LANCL1: variants seen among roughly 807,000 people sequenced by gnomAD.
The protein encoded by LANCL1 is LanC like glutathione S-transferase 1.
In LANCL1, 50 loss-of-function variants were observed where a neutral mutation model predicts 50.6. The ratio of observed to expected loss-of-function variants is 0.99; its 90% CI spans 0.79 to 1.25. The LOEUF (loss-of-function observed/expected upper bound fraction) is 1.25. LANCL1 is among the 50% of genes most tolerant of loss of function. The pLI is 0.00. For synonymous variants in LANCL1, 188 were observed against 178.6 expected (o/e 1.05, Z -0.42); for missense variants, 532 against 480.7 (o/e 1.11, Z -1.00).
chr2:210,439,735 G>A (rs1471819115), intron 6 of LANCL1, among the ~76,000 whole-genome samples: 1 of 152,144 alleles, frequency 6.6e-6, no homozygotes. Context: ...GTAGAGGGCA[G>A]GTCCAACACT....
At chr2:210,459,681 A>AG (rs1311821706) in intron 3 of LANCL1, among the ~76,000 whole-genome samples, 2 of 152,232 alleles carry the variant, frequency 1.3e-5, no homozygotes, top group East Asian at 3.9e-4. Flanking sequence ...GAAGTCTGGC[A>AG]CTGCCTGTCA....
chr2:210,460,234 G>A (rs1396954), intron 3 of LANCL1, among the ~76,000 whole-genome samples: 61,254 of 151,956 alleles, frequency 0.4, 13,804 homozygotes, highest in East Asian at 0.61. Flanking sequence ...AGGCATTTTC[G>A]TGCAGTTCAA....
At chr2:210,451,138 A>G (rs1693499192) in intron 4 of LANCL1, among the ~76,000 whole-genome samples, 1 of 152,242 alleles carries the variant, frequency 6.6e-6, no homozygotes, top group South Asian at 2.1e-4. Flanking sequence ...AACATGGAAT[A>G]CTATGCAGCC....
chr2:210,434,747 GC>G (rs1455983196), intron 9 of LANCL1, among the ~76,000 whole-genome samples, 184 bp from the exon 10 acceptor site: 1 of 151,960 alleles, frequency 6.6e-6, no homozygotes, highest in Non-Finnish European at 1.5e-5. Context: ...GATCAAGGCC[GC>G]ACTGGAGGGT....
rs112248340 is a variant in LANCL1, at chr2:210,471,942, C to G, written c.199+17G>C. 1.9e-6 allele frequency: 3 copies of G among 1,539,562 alleles called. No homozygotes were observed. In the African/African-American group the frequency reaches 4.1e-5, roughly 21 times the overall value. Reference sequence around the variant, plus strand: ...TAAGCACAATGCTTATGCCAGCTCACAGTCAGCACTTCATACCTGCCCAGC... The same window carrying G: ...TAAGCACAATGCTTATGCCAGCTCAGAGTCAGCACTTCATACCTGCCCAGC... On this transcript the variant is annotated intron_variant, in intron 3 of 9. Transcript: ENST00000450366.
intron 3 of LANCL1, among the ~76,000 whole-genome samples, chr2:210,463,520 C>T (rs1384151255): frequency 2.0e-5 from 3 of 152,204 alleles, no homozygotes; most frequent in African/African-American, 2.4e-5. Flanking sequence ...TTTATCACCA[C>T]GAAGAGTGTT....
chr2:210,454,198 G>C lies in LANCL1; in HGVS notation c.407+909C>G, dbSNP rs79914066. On this transcript the variant is annotated intron_variant, in intron 4 of 9. Coordinates refer to ENST00000450366, the MANE Select transcript of LANCL1 (RefSeq NM_006055.3). Reference sequence around the variant, plus strand: ...ATCACTGCATGGGAAAAAATTGGGAGAGAAGGGAGATATGCATACATACAC... The same window carrying C: ...ATCACTGCATGGGAAAAAATTGGGACAGAAGGGAGATATGCATACATACAC... Among the ~76,000 whole-genome samples, 359 of 150,288 alleles carry C rather than the reference G, an allele frequency of 2.4e-3. 1 individual carries two copies. The highest frequency in any genetic ancestry group is 8.3e-3 in the African/African-American group (339 of 40,886).
At position 210,434,363 on chromosome 2, in the gene LANCL1, A is replaced by G; in HGVS notation, c.*124T>C. 1 of 667,270 alleles carries G rather than the reference A, an allele frequency of 1.5e-6. No homozygotes were observed. The highest frequency in any genetic ancestry group is 2.6e-6 in the Non-Finnish European group (1 of 387,934). The allele number at this position is 667,270 out of a possible 1,614,324, so 41.3% of individuals were successfully genotyped here. A position where few individuals can be genotyped will look rare whatever the true frequency, so the allele number is the denominator to read the frequency against. On this transcript the variant is annotated 3_prime_UTR_variant, in exon 10 of 10. Coordinates refer to ENST00000450366, the MANE Select transcript of LANCL1 (RefSeq NM_006055.3). ...CTGAATGAAAGATAAATTCTGAAAA[A>G]AGCTAACAAAATCAAGTCCACAGTT...
chr2:210,447,781 G>A (rs992383309), intron 4 of LANCL1, among the ~76,000 whole-genome samples: 1 of 152,064 alleles, frequency 6.6e-6, no homozygotes, highest in African/African-American at 2.4e-5. Context: ...AATGGTAAAG[G>A]GATCAATGCA....
intron 3 of LANCL1, chr2:210,471,740 A>G: frequency 1.4e-6 from 1 of 739,426 alleles, no homozygotes; most frequent in Non-Finnish European, 2.5e-6. Context: ...CATGAATTAC[A>G]TGAATATGCT....
Position 210,440,667 on chromosome 2 carries a change from A to T in LANCL1, c.621T>A (p.Tyr207Ter), listed in dbSNP as rs1052567586. 1 of 1,614,024 alleles carries T rather than the reference A, an allele frequency of 6.2e-7. No individual in the cohort carries two copies. The highest frequency in any genetic ancestry group is 1.1e-5 in the South Asian group (1 of 91,074). ...CTACATAATATTCCTGGTACCATTC[A>T]TACATCAGTGGAGACTTTGCCGTGA... ...RNFTAKSPLM[Y>*]EWYQEYYVGA... The change falls in exon 6 of 10, where the codon TAT becomes TAA. Residue 207 changes from tyrosine to a stop codon, truncating the protein, a stop_gained. Transcript: ENST00000450366. LOFTEE classifies it high-confidence loss of function.
In LANCL1 at chr2:210,436,291, A is replaced by G. The variant is rs750120862; in HGVS notation, c.975T>C (p.Ser325=). 2 of 1,614,004 alleles carry G rather than the reference A, an allele frequency of 1.2e-6. No homozygotes were observed. Among genetic ancestry groups the G allele is most frequent in the African/African-American group, 2.7e-5 (2 of 74,932 alleles). Residue 325 remains serine, a synonymous_variant, in exon 8 of 10, where the codon TCT becomes TCC. Coordinates refer to ENST00000450366, the MANE Select transcript of LANCL1 (RefSeq NM_006055.3). ...TCAGGAAGGCATAGGCATTCCCTGC[A>G]GAACCGTGGCACAGCCCATATCCCT... is the stretch of plus-strand genomic sequence containing the variant. ...LKKGYGLCHG[S]AGNAYAFLTL...
chr2:210,468,122 T>C (rs1336998057), intron 3 of LANCL1: 4 of 152,050 alleles, frequency 2.6e-5, no homozygotes, highest in Non-Finnish European at 4.4e-5. Flanking sequence ...AGGAAAATTA[T>C]GATTCGACAT....
rs1003913227 is a variant in LANCL1 at position 210,433,897 on chromosome 2, C to T, written c.*590G>A. 1 of 152,134 alleles carries T rather than the reference C, an allele frequency of 6.6e-6. No individual in the cohort carries two copies. Among genetic ancestry groups the T allele is most frequent in the Admixed American group, 6.5e-5 (1 of 15,276 alleles). The allele number at this position is 152,134 out of a possible 1,614,324, so 9.4% of individuals were successfully genotyped here. A position where few individuals can be genotyped will look rare whatever the true frequency, so the allele number is the denominator to read the frequency against. The stretch of plus-strand genomic sequence containing the variant: ...GGCCAATCTGAAAGTATGTTTACCT[C>T]TAGTCCAAATAGGCATCAAGAATTT... On this transcript the variant is annotated 3_prime_UTR_variant, in exon 10 of 10. Coordinates refer to ENST00000450366, the MANE Select transcript of LANCL1 (RefSeq NM_006055.3).
chr2:210,469,471 G>C (rs1694160914), intron 3 of LANCL1, among the ~76,000 whole-genome samples: 1 of 152,150 alleles, frequency 6.6e-6, no homozygotes, highest in African/African-American at 2.4e-5. Context: ...GGAGACATTA[G>C]GAACCTTGCC....
At chr2:210,446,191 C>A (rs1693322631) in intron 4 of LANCL1, among the ~76,000 whole-genome samples, 1 of 151,932 alleles carries the variant, frequency 6.6e-6, no homozygotes, top group Admixed American at 6.6e-5. Context: ...CAGGGGTCGA[C>A]AGACACCTCA....
rs151176742 is a variant in LANCL1 at position 210,476,386 on chromosome 2, C to T, written c.11G>A (p.Arg4Lys). The change falls in exon 2 of 10, where the codon AGG becomes AAG. Residue 4 changes from arginine (R) to lysine (K), a missense_variant. Arg to Lys is a conservative substitution (Grantham distance 26). Transcript: ENST00000450366. MAQ[R>K]AFPNPYADYN... ...ATCAGCATAAGGATTCGGGAAGGCC[C>T]TTTGAGCCATGACGCCGGAAGCAAG... 6.2e-7 allele frequency: 1 copy of T among 1,613,806 alleles called. No individual in the cohort carries two copies. The highest frequency in any genetic ancestry group is 8.5e-7 in the Non-Finnish European group (1 of 1,179,992).
chr2:210,454,997 A>G (rs1372112214), intron 4 of LANCL1, 110 bp downstream of exon 4: 17 of 851,146 alleles, frequency 2.0e-5, no homozygotes, highest in Non-Finnish European at 2.9e-5. Context: ...CAGCAGTGAG[A>G]TTTATCTGCT....
chr2:210,434,690 C>G (rs988414431), intron 9 of LANCL1, 127 bp from the exon 10 acceptor site: 2 of 721,430 alleles, frequency 2.8e-6, no homozygotes, highest in Non-Finnish European at 4.6e-6. Flanking sequence ...AACACACAAA[C>G]ATCAACAAAG....
Sources: allele counts gnomAD v4.1 joint callset (sites outside exome capture counted in the v4.1 genomes callset), GRCh38; gene constraint gnomAD v4.1.1; transcripts MANE v1.5; gene names NCBI Gene and HGNC (gene_info 2026-07-23, HGNC 2026-07-21).